Variants in ZFAND3 observed in about 807,000 individuals in gnomAD.
The protein encoded by ZFAND3 is zinc finger AN1-type containing 3, also known as AN1-type zinc finger protein 3.
Under a neutral mutation model 29.6 loss-of-function variants are expected in ZFAND3, and 10 were observed. The observed-to-expected ratio is 0.34, with a 90% CI of 0.21 to 0.57. The LOEUF is 0.57. Among genes scored for constraint, ZFAND3 ranks in the 20% least tolerant of loss-of-function variants. The pLI, the probability that ZFAND3 is intolerant of heterozygous loss-of-function variation, is 0.86. For synonymous variants in ZFAND3, 128 were observed against 112.6 expected, an observed-to-expected ratio of 1.14 and a Z score of -0.87; for missense variants, 230 against 304.5, an observed-to-expected ratio of 0.76 and a Z score of 1.82.
intron 2 of ZFAND3, among the ~76,000 whole-genome samples, chr6:38,013,014 A>G (rs1269038434): frequency 1.3e-5 from 2 of 152,206 alleles, no homozygotes; most frequent in East Asian, 1.9e-4. Flanking sequence ...TTTTATTTTC[A>G]TAATTATACT....
chr6:37,831,542 C>A (rs565632249), intron 1 of ZFAND3, among the ~76,000 whole-genome samples: 4 of 152,172 alleles, frequency 2.6e-5, no homozygotes, highest in Non-Finnish European at 5.9e-5. Flanking sequence ...AAACAGTGTT[C>A]GAGAAGTGCT....
intron 2 of ZFAND3, among the ~76,000 whole-genome samples, chr6:38,026,169 TCC>T (rs1212315228): frequency 6.6e-6 from 1 of 152,174 alleles, no homozygotes; most frequent in Non-Finnish European, 1.5e-5. Context: ...AATGTCTCTG[TCC>T]CCTAAATACA....
rs1765422067 is a variant in ZFAND3 at position 38,116,588 on chromosome 6, T to C, written c.378T>C (p.Asn126=). The C allele has an allele frequency of 1.2e-6, 2 of 1,611,940 alleles. No individual in the cohort carries two copies. The highest frequency in any genetic ancestry group is 2.2e-5 in the East Asian group (1 of 44,836). The change falls in exon 5 of 6, where the codon AAT becomes AAC. Residue 126 remains asparagine (N), a synonymous_variant. Coordinates refer to ENST00000287218, the MANE Select transcript of ZFAND3 (RefSeq NM_021943.3). ...TTTGGTCAGATTCACAGTCTGAGAATGAGGCTTCACCAGTAAAACGGCCAC... is the reference window on the plus strand; with the variant it reads ...TTTGGTCAGATTCACAGTCTGAGAACGAGGCTTCACCAGTAAAACGGCCAC... The part of the protein sequence containing the change: ...RSCGTDSQSE[N]EASPVKRPRL...
At chr6:37,842,489 G>C (rs1764096890) in intron 1 of ZFAND3, among the ~76,000 whole-genome samples, 1 of 152,016 alleles carries the variant, frequency 6.6e-6, no homozygotes, top group South Asian at 2.1e-4. Context: ...GAATAAGTTT[G>C]TTCATCTTTA....
intron 1 of ZFAND3, among the ~76,000 whole-genome samples, chr6:37,871,829 C>G (rs1322571435): frequency 6.6e-6 from 1 of 152,170 alleles, no homozygotes; most frequent in African/African-American, 2.4e-5. Flanking sequence ...ATACTGGTTT[C>G]TGTTGTATAC....
chr6:38,009,592 C>A (rs1162783849), intron 2 of ZFAND3, among the ~76,000 whole-genome samples: 1 of 152,202 alleles, frequency 6.6e-6, no homozygotes, highest in Non-Finnish European at 1.5e-5. Flanking sequence ...TATAACCCAG[C>A]ATACGTAGCC....
intron 2 of ZFAND3, chr6:38,003,660 A>T (rs1336593721): frequency 6.0e-6 from 2 of 335,992 alleles, no homozygotes; most frequent in East Asian, 9.8e-5. Flanking sequence ...CACCACGACC[A>T]GCTAATTTTT....
chr6:37,891,735 T>G (rs927121178), intron 1 of ZFAND3, among the ~76,000 whole-genome samples: 1 of 152,146 alleles, frequency 6.6e-6, no homozygotes, highest in Non-Finnish European at 1.5e-5. Context: ...ATTATTCTTT[T>G]TTGTTGTTGT....
intron 1 of ZFAND3, among the ~76,000 whole-genome samples, chr6:37,897,288 C>T (rs143429443): frequency 2.2e-4 from 34 of 152,276 alleles, no homozygotes; most frequent in Admixed American, 5.2e-4. Flanking sequence ...TAACTAGAAT[C>T]ATAGGCACTT....
intron 1 of ZFAND3, among the ~76,000 whole-genome samples, chr6:37,924,305 TTAAG>T (rs1761440781): frequency 7.2e-6 from 1 of 138,566 alleles, no homozygotes; most frequent in Non-Finnish European, 1.6e-5. Context: ...AAATATCTAC[TTAAG>T]TGCTTTTTTT....
At chr6:38,130,412 A>C (rs1765720118) in intron 5 of ZFAND3, among the ~76,000 whole-genome samples, 1 of 152,180 alleles carries the variant, frequency 6.6e-6, no homozygotes. Context: ...GAATGCTTTC[A>C]ACTTTTCCCC....
At chr6:38,026,354 A>G (rs1322365000) in intron 2 of ZFAND3, among the ~76,000 whole-genome samples, 1 of 151,152 alleles carries the variant, frequency 6.6e-6, no homozygotes, top group Admixed American at 6.6e-5. Flanking sequence ...GAGGATGATT[A>G]CTTAGCCTTG....
chr6:37,876,184 T>G (rs73419439), intron 1 of ZFAND3, among the ~76,000 whole-genome samples: 2 of 152,236 alleles, frequency 1.3e-5, no homozygotes, highest in Non-Finnish European at 2.9e-5. Context: ...TGAGTTAATA[T>G]TCTGATGGGG....
intron 2 of ZFAND3, among the ~76,000 whole-genome samples, chr6:37,996,698 AATTATCTAAATC>A (rs1762854954): frequency 6.6e-6 from 1 of 152,152 alleles, no homozygotes; most frequent in Non-Finnish European, 1.5e-5. Context: ...TGGTTAATTT[AATTATCTAAATC>A]ATTTTCTGTA....
chr6:37,913,694 A>G (rs1317185396), intron 1 of ZFAND3, among the ~76,000 whole-genome samples: 2 of 138,860 alleles, frequency 1.4e-5, no homozygotes, highest in African/African-American at 2.6e-5. Flanking sequence ...CCAGCTGTCT[A>G]TGGCAGCTAT....
Position 37,929,964 on chromosome 6 carries a change from G to A in ZFAND3, c.77G>A (p.Ser26Asn). 1 of 1,596,800 alleles carries A rather than the reference G, an allele frequency of 6.3e-7. No homozygotes were observed. Among genetic ancestry groups the A allele is most frequent in the Non-Finnish European group, 8.5e-7 (1 of 1,173,222 alleles). The part of the protein sequence containing the change: ...PRCPCGFWGS[S>N]KTMNLCSKCF... Reference sequence around the variant, plus strand: ...TTTCTTTTTGTTTGCCCCAGGTCCAGCAAGACTATGAATCTCTGTTCCAAA... The same window carrying A: ...TTTCTTTTTGTTTGCCCCAGGTCCAACAAGACTATGAATCTCTGTTCCAAA... The change falls in exon 2 of 6, where the codon AGC (serine) becomes AAC (asparagine). Residue 26 changes from serine (S) to asparagine (N), a missense_variant. By Grantham distance (46) the Ser-to-Asn change is conservative. Transcript: ENST00000287218.
intron 2 of ZFAND3, among the ~76,000 whole-genome samples, chr6:38,019,229 A>AT (rs1402792957): frequency 6.6e-6 from 1 of 152,210 alleles, no homozygotes. Context: ...AAGTGCTGGG[A>AT]TTACAGGCAT....
chr6:37,964,643 C>G (rs1762259569), intron 2 of ZFAND3, among the ~76,000 whole-genome samples: 1 of 152,198 alleles, frequency 6.6e-6, no homozygotes, highest in African/African-American at 2.4e-5. Flanking sequence ...GTAGACTACT[C>G]TCTTATATAC....
chr6:37,926,743 G>C (rs1386950627), intron 1 of ZFAND3, among the ~76,000 whole-genome samples: 2 of 152,172 alleles, frequency 1.3e-5, no homozygotes, highest in Non-Finnish European at 1.5e-5. Context: ...CACTGCTCCA[G>C]TGAAACTTTA....
Sources: gnomAD v4.1 joint callset for allele counts (sites outside exome capture counted in the v4.1 genomes callset) on GRCh38, gnomAD v4.1.1 for gene constraint, MANE v1.5 for transcripts, NCBI Gene and HGNC (gene_info 2026-07-23, HGNC 2026-07-21) for gene names.